The following PLPP3 variants were observed in gnomAD, a reference collection of about 807,000 sequenced individuals.
PLPP3 encodes the protein PAP2 beta.
A neutral mutation model predicts 29.6 loss-of-function variants in PLPP3; 6 were observed. That is an observed-to-expected ratio of 0.20 (90% CI 0.11 to 0.40). The LOEUF is 0.40. Ranked by LOEUF, PLPP3 falls within the 10% of genes least tolerant of loss-of-function variation. The pLI is 1.00. For synonymous variants in PLPP3, 152 were observed against 159.7 expected, an observed-to-expected ratio of 0.95 and a Z score of 0.36; for missense variants, 308 against 407.7, an observed-to-expected ratio of 0.76 and a Z score of 2.11.
At chr1:56,519,741 GGTTT>G (rs1179121982) in intron 4 of PLPP3, among the ~76,000 whole-genome samples, 3 of 146,026 alleles carry the variant, frequency 2.1e-5, no homozygotes, top group Non-Finnish European at 3.1e-5. Flanking sequence ...ATATGCTGTG[GGTTT>G]GTTTTTTTTT....
intron 4 of PLPP3, among the ~76,000 whole-genome samples, chr1:56,517,878 C>T (rs546420142): frequency 2.6e-4 from 39 of 152,188 alleles, no homozygotes; most frequent in Non-Finnish European, 5.4e-4. Context: ...GTAAGAGTTA[C>T]AGTGGAATAA....
intron 2 of PLPP3, among the ~76,000 whole-genome samples, chr1:56,528,085 A>G (rs1645863329): frequency 6.6e-6 from 1 of 152,166 alleles, no homozygotes; most frequent in African/African-American, 2.4e-5. Context: ...AATGCCTTCA[A>G]TGTTGATCCC....
intron 1 of PLPP3, among the ~76,000 whole-genome samples, chr1:56,558,705 C>T (rs192339980): frequency 4.1e-4 from 62 of 152,314 alleles, no homozygotes; most frequent in East Asian, 3.3e-3. Flanking sequence ...AACACTTGAT[C>T]CAGGTTATAA....
At chr1:56,517,107 G>A (rs76009934) in intron 4 of PLPP3, 14,655 of 152,274 alleles carry the variant, frequency 0.096, 884 homozygotes, top group South Asian at 0.17. Context: ...GGTCTGTACT[G>A]TCCTCTCACT....
At position 56,562,508 on chromosome 1, in the gene PLPP3, C is replaced by T. The variant is rs374923823; in HGVS notation, c.139+16370G>A. The stretch of plus-strand genomic sequence containing the variant: ...GGAGAAAAGAGAGCAAATTCAGACA[C>T]AACAAAAAAAATATTCATTGTACAA... On this transcript the variant is annotated intron_variant, in intron 1 of 5. Coordinates refer to ENST00000371250, the MANE Select transcript of PLPP3 (RefSeq NM_003713.5). Among the ~76,000 whole-genome samples, 55 of 152,108 alleles carry T rather than the reference C, an allele frequency of 3.6e-4. 1 individual carries two copies. In the South Asian group the frequency reaches 0.01, roughly 28 times the overall value.
At chr1:56,556,072 G>A (rs1646074706) in intron 1 of PLPP3, among the ~76,000 whole-genome samples, 1 of 152,152 alleles carries the variant, frequency 6.6e-6, no homozygotes, top group South Asian at 2.1e-4. Flanking sequence ...AAACTACTTG[G>A]CTTGGGCCTC....
intron 1 of PLPP3, among the ~76,000 whole-genome samples, chr1:56,545,221 G>C (rs751721444): frequency 5.3e-5 from 8 of 152,128 alleles, no homozygotes; most frequent in African/African-American, 9.7e-5. Context: ...CCTATCAACT[G>C]TCATTCTTGC....
intron 5 of PLPP3, among the ~76,000 whole-genome samples, chr1:56,505,073 G>A (rs1645693492): frequency 6.6e-6 from 1 of 152,200 alleles, no homozygotes; most frequent in South Asian, 2.1e-4. Flanking sequence ...GATATAAAGT[G>A]TATTTCTTAT....
intron 2 of PLPP3, among the ~76,000 whole-genome samples, chr1:56,531,256 C>T (rs1645886359): frequency 6.6e-6 from 1 of 152,176 alleles, no homozygotes; most frequent in African/African-American, 2.4e-5. Context: ...AAGCTCTCCC[C>T]TCCCTAGCAG....
At position 56,496,449 on chromosome 1, in the gene PLPP3, A is replaced by G. The variant is rs1645631614; in HGVS notation, c.*102T>C. The G allele has an allele frequency of 7.1e-7, 1 of 1,408,394 alleles. No homozygotes were observed. Among genetic ancestry groups the G allele is most frequent in the Non-Finnish European group, 9.6e-7 (1 of 1,037,970 alleles). The allele number at this position is 1,408,394 out of a possible 1,614,324, so 87.2% of individuals were successfully genotyped here. ...TTTCCTTTTTAAAAATCAGTCGGGC[A>G]AAAGTTTTTCCCTACATTCTACTGT... On this transcript the variant is annotated 3_prime_UTR_variant, in exon 6 of 6. Transcript: ENST00000371250.
chr1:56,542,291 A>G (rs890887600), intron 1 of PLPP3, among the ~76,000 whole-genome samples: 1 of 151,920 alleles, frequency 6.6e-6, no homozygotes, highest in African/African-American at 2.4e-5. Flanking sequence ...CCATTGATAA[A>G]CTCATGTGGG....
intron 5 of PLPP3, 128 bp from the exon 6 acceptor site, chr1:56,496,804 GAAGGACAACAGAGATCATATCATC>G (rs1645634163): frequency 1.1e-6 from 1 of 897,156 alleles, no homozygotes; most frequent in South Asian, 1.7e-5. Context: ...TTTGAATAGG[GAAGGACAACAGAGATCATATCATC>G]AAGGTTTATT....
rs754595960 is a variant in PLPP3, at chr1:56,579,059, C to G, written c.-43G>C. The G allele has an allele frequency of 1.9e-6, 3 of 1,571,066 alleles. No individual in the cohort carries two copies. The East Asian group carries it at 7.6e-5, about 40-fold the overall frequency. On this transcript the variant is annotated 5_prime_UTR_variant, in exon 1 of 6. Coordinates refer to ENST00000371250, the MANE Select transcript of PLPP3 (RefSeq NM_003713.5). ...GAGCCTCCCGCCCCGCGAAGACGTC[C>G]CGCAACAGCAGCCACACACCCAGGC...
At chr1:56,538,465 A>G in intron 1 of PLPP3, 1 of 451,444 alleles carries the variant, frequency 2.2e-6, no homozygotes, top group South Asian at 1.8e-5. Context: ...ACAAACACAA[A>G]GGGAAAGAGG....
intron 5 of PLPP3, among the ~76,000 whole-genome samples, chr1:56,500,287 T>C (rs1407198607): frequency 6.6e-6 from 1 of 152,144 alleles, no homozygotes; most frequent in Admixed American, 6.5e-5. Context: ...ATGACCACAA[T>C]ACAGCATATT....
intron 1 of PLPP3, among the ~76,000 whole-genome samples, chr1:56,549,715 T>C (rs192667379): frequency 1.6e-4 from 24 of 152,264 alleles, no homozygotes; most frequent in Admixed American, 1.2e-3. Context: ...ACTGGCTGAG[T>C]AGAGACCTCT....
intron 4 of PLPP3, among the ~76,000 whole-genome samples, chr1:56,517,405 ATC>A (rs2100239709): frequency 6.6e-6 from 1 of 152,386 alleles, no homozygotes; most frequent in African/African-American, 2.4e-5. Flanking sequence ...ATCCTATCTT[ATC>A]TTCTGTCACT....
intron 1 of PLPP3, among the ~76,000 whole-genome samples, chr1:56,553,119 C>T (rs1646051916): frequency 6.6e-6 from 1 of 152,064 alleles, no homozygotes; most frequent in Non-Finnish European, 1.5e-5. Flanking sequence ...ACTTGGTTTC[C>T]TCAGAGCATT....
chr1:56,566,314 A>AC (rs2100302758), intron 1 of PLPP3, among the ~76,000 whole-genome samples: 1 of 152,262 alleles, frequency 6.6e-6, no homozygotes, highest in South Asian at 2.1e-4. Context: ...CCTAGTAGTT[A>AC]AGAATGACCT....
Sources: gnomAD v4.1 joint callset for allele counts (sites outside exome capture counted in the v4.1 genomes callset) on GRCh38, gnomAD v4.1.1 for gene constraint, MANE v1.5 for transcripts, NCBI Gene and HGNC (gene_info 2026-07-23, HGNC 2026-07-21) for gene names.